TAFA1: variants seen among roughly 807,000 people sequenced by gnomAD.
The protein encoded by TAFA1 is chemokine-like protein TAFA-1.
TAFA1 carries 4 observed loss-of-function variants against 18.5 expected under a neutral mutation model. That is an observed-to-expected ratio of 0.22 (90% confidence interval 0.11 to 0.49). The LOEUF (loss-of-function observed/expected upper bound fraction) is 0.49. Ranked by LOEUF, TAFA1 falls within the 20% of genes least tolerant of loss-of-function variation. TAFA1 has a pLI of 0.98. For missense variants in TAFA1, 147 were observed against 169.0 expected (o/e 0.87, Z 0.72); for synonymous variants, 56 against 55.2 (o/e 1.01, Z -0.06).
At chr3:68,464,731 C>A (rs192380683) in intron 3 of TAFA1, among the ~76,000 whole-genome samples, 1 of 152,146 alleles carries the variant, frequency 6.6e-6, no homozygotes, top group African/African-American at 2.4e-5. Flanking sequence ...GTAGCCAATG[C>A]CTGCTGTTGG....
At chr3:67,999,266 A>C (rs1267866135), upstream of TAFA1, among the ~76,000 whole-genome samples, 2 of 11,922 alleles carry the variant, frequency 1.7e-4, no homozygotes, top group African/African-American at 4.9e-4. Flanking sequence ...CATTCTCTCT[A>C]TCCCCCCCCC....
chr3:68,252,412 A>G (rs929229983), intron 2 of TAFA1, among the ~76,000 whole-genome samples: 2 of 152,198 alleles, frequency 1.3e-5, no homozygotes, highest in Non-Finnish European at 2.9e-5. Context: ...TAAAAAAATT[A>G]CATCAAATTA....
At chr3:68,395,107 TA>T (rs935765917) in intron 2 of TAFA1, among the ~76,000 whole-genome samples, 4 of 151,564 alleles carry the variant, frequency 2.6e-5, no homozygotes, top group African/African-American at 9.7e-5. Context: ...AGAAGAAAGC[TA>T]ACAACCCCAT....
intron 2 of TAFA1, among the ~76,000 whole-genome samples, chr3:68,248,002 T>A (rs2067116607): frequency 6.6e-6 from 1 of 152,244 alleles, no homozygotes; most frequent in African/African-American, 2.4e-5. Context: ...ATTTGAATAT[T>A]GAACCACTGT....
At chr3:68,265,082 G>T (rs749956679) in intron 2 of TAFA1, among the ~76,000 whole-genome samples, 2 of 152,146 alleles carry the variant, frequency 1.3e-5, no homozygotes, top group Non-Finnish European at 2.9e-5. Flanking sequence ...AGCAAGATAT[G>T]TGTTCAATTT....
At chr3:68,025,089 C>G (rs1704786205) in intron 2 of TAFA1, among the ~76,000 whole-genome samples, 2 of 152,138 alleles carry the variant, frequency 1.3e-5, no homozygotes, top group Admixed American at 1.3e-4. Flanking sequence ...GTCCCCACAC[C>G]TATTCCATCC....
chr3:68,382,643 C>T (rs899499197), intron 2 of TAFA1, among the ~76,000 whole-genome samples: 3 of 151,926 alleles, frequency 2.0e-5, no homozygotes, highest in Non-Finnish European at 4.4e-5. Context: ...AGTCAGGTAG[C>T]GTGATGCCTC....
At chr3:68,022,443 A>T (rs181127462) in intron 2 of TAFA1, among the ~76,000 whole-genome samples, 1,795 of 152,262 alleles carry the variant, frequency 0.012, 19 homozygotes, top group Non-Finnish European at 0.017. Flanking sequence ...CTCCAATAGT[A>T]TCTGTCCATC....
At chr3:68,477,133 T>C (rs990361416) in intron 3 of TAFA1, among the ~76,000 whole-genome samples, 9 of 152,010 alleles carry the variant, frequency 5.9e-5, no homozygotes, top group African/African-American at 2.2e-4. Flanking sequence ...TTTGATTCTT[T>C]TTGAACTATA....
intron 2 of TAFA1, among the ~76,000 whole-genome samples, chr3:68,094,376 A>G (rs2065063135): frequency 6.6e-6 from 1 of 152,110 alleles, no homozygotes; most frequent in South Asian, 2.1e-4. Flanking sequence ...TGAGGTCCAC[A>G]GGCAGGGCTC....
At chr3:68,209,565 A>G (rs1379113459) in intron 2 of TAFA1, among the ~76,000 whole-genome samples, 1 of 152,154 alleles carries the variant, frequency 6.6e-6, no homozygotes, top group South Asian at 2.1e-4. Flanking sequence ...GCTGTCTCCC[A>G]CATGCATTAT....
intron 2 of TAFA1, among the ~76,000 whole-genome samples, chr3:68,043,850 TA>T (rs2106685025): frequency 1.3e-5 from 2 of 152,354 alleles, no homozygotes; most frequent in African/African-American, 4.8e-5. Flanking sequence ...TTTTTTAACT[TA>T]TTTTTTATTA....
intron 3 of TAFA1, among the ~76,000 whole-genome samples, chr3:68,423,515 G>A (rs75007070): frequency 0.02 from 3,021 of 152,202 alleles, 40 homozygotes; most frequent in Non-Finnish European, 0.033. Context: ...GGGTGAGAGG[G>A]AAGTAAAACC....
intron 2 of TAFA1, among the ~76,000 whole-genome samples, chr3:68,390,513 C>T (rs1262451467): frequency 6.6e-6 from 1 of 152,198 alleles, no homozygotes; most frequent in African/African-American, 2.4e-5. Context: ...TGCTAAGGGA[C>T]AGACTGCCTC....
chr3:68,520,566 C>G (rs1482459663), intron 3 of TAFA1, among the ~76,000 whole-genome samples: 2 of 152,160 alleles, frequency 1.3e-5, no homozygotes, highest in African/African-American at 4.8e-5. Flanking sequence ...TAGGCCATAA[C>G]AGTTAGTATT....
chr3:68,291,850 G>A (rs957196031), intron 2 of TAFA1, among the ~76,000 whole-genome samples: 3 of 151,972 alleles, frequency 2.0e-5, no homozygotes, highest in African/African-American at 7.3e-5. Context: ...GCCATACAAG[G>A]GATAACAGAA....
At chr3:68,435,723 C>A (rs1300416805) in intron 3 of TAFA1, among the ~76,000 whole-genome samples, 1 of 152,180 alleles carries the variant, frequency 6.6e-6, no homozygotes, top group Non-Finnish European at 1.5e-5. Context: ...ATCTTAGCCA[C>A]ATGACTGTGA....
At chr3:68,396,704 T>G (rs1439994050) in intron 2 of TAFA1, among the ~76,000 whole-genome samples, 1 of 152,216 alleles carries the variant, frequency 6.6e-6, no homozygotes, top group Non-Finnish European at 1.5e-5. Context: ...ATGTATTTGT[T>G]ATTCTTGGGC....
At chr3:68,439,412 CATATATAT>C (rs57059146) in intron 3 of TAFA1, among the ~76,000 whole-genome samples, 7,073 of 73,448 alleles carry the variant, frequency 0.096, 512 homozygotes, top group East Asian at 0.13. Context: ...TATATACATA[CATATATAT>C]ATATATATAT....
Sources: allele counts gnomAD v4.1 joint callset (sites outside exome capture counted in the v4.1 genomes callset), GRCh38; gene constraint gnomAD v4.1.1; transcripts MANE v1.5; gene names NCBI Gene and HGNC (gene_info 2026-07-23, HGNC 2026-07-21).